PFN4: variants seen among roughly 807,000 people sequenced by gnomAD.
PFN4 encodes the protein profilin-4.
PFN4 carries 10 observed loss-of-function variants against 16.3 expected under a neutral mutation model. The observed-to-expected ratio is 0.61, with a 90% CI of 0.38 to 1.04. PFN4 has a LOEUF of 1.04. Among genes scored for constraint, PFN4 ranks in the 50% least tolerant of loss-of-function variants. The pLI, the probability that PFN4 is intolerant of heterozygous loss-of-function variation, is 0.01. For synonymous variants in PFN4, 54 were observed against 56.9 expected (o/e 0.95, Z 0.23); for missense variants, 136 against 153.6 (o/e 0.89, Z 0.61).
At chr2:24,115,794 T>C (rs1287034097) in intron 4 of PFN4, among the ~76,000 whole-genome samples, 183 bp from the exon 5 acceptor site, 1 of 151,712 alleles carries the variant, frequency 6.6e-6, no homozygotes, top group African/African-American at 2.4e-5. Flanking sequence ...CCTCATGGAG[T>C]TCACTGTCTA....
In PFN4 at chr2:24,122,426, C is replaced by G; in HGVS notation, c.110G>C (p.Gly37Ala). Residue 37 changes from glycine (G) to alanine (A), a missense_variant, in exon 2 of 5, where the codon GGT becomes GCT. Gly to Ala is a moderately conservative substitution (Grantham distance 60). Transcript: ENST00000313213. ...QERSLCVASPGFNVTPSDVRT... is the reference protein window; with the variant it reads ...QERSLCVASPAFNVTPSDVRT... ...AAACTTGTTTTTTCTTACATTGAAA[C>G]CTGGTGATGCTACACACAAGCTCCG... 6.2e-7 allele frequency: 1 copy of G among 1,609,806 alleles called. No individual in the cohort carries two copies. The highest frequency in any genetic ancestry group is 1.1e-5 in the South Asian group (1 of 90,848).
Position 24,121,295 on chromosome 2 carries a change from C to T in PFN4, c.123G>A (p.Thr41=), listed in dbSNP as rs1048780716. The change falls in exon 3 of 5, where the codon ACG becomes ACA. Residue 41 remains threonine (T), a synonymous_variant. Coordinates refer to ENST00000313213, the MANE Select transcript of PFN4 (RefSeq NM_199346.3). ...LCVASPGFNV[T]PSDVRTLVNG... Reference sequence around the variant, plus strand: ...TCACCAGTGTTCGGACATCACTGGGCGTTACCTGGAGAGGTTACATGGTTA... The same window carrying T: ...TCACCAGTGTTCGGACATCACTGGGTGTTACCTGGAGAGGTTACATGGTTA... 33 of 1,613,944 alleles carry T rather than the reference C, an allele frequency of 2.0e-5. No homozygotes were observed. Among genetic ancestry groups the T allele is most frequent in the African/African-American group, 1.5e-4 (11 of 74,906 alleles).
At chr2:24,120,220 G>A (rs1666060650) in intron 3 of PFN4, among the ~76,000 whole-genome samples, 1 of 151,776 alleles carries the variant, frequency 6.6e-6, no homozygotes, top group South Asian at 2.1e-4. Context: ...AGTGAGCCGA[G>A]ATCGTGCCAT....
At chr2:24,115,644 G>A in intron 4 of PFN4, 33 bp from the exon 5 acceptor site, 9 of 1,604,444 alleles carry the variant, frequency 5.6e-6, no homozygotes, top group South Asian at 5.5e-5. Flanking sequence ...TATTATTTAT[G>A]AGCTGCAAAT....
intron 2 of PFN4, 126 bp from the exon 3 acceptor site, chr2:24,121,426 G>T (rs1666115064): frequency 2.3e-6 from 2 of 871,274 alleles, no homozygotes; most frequent in Non-Finnish European, 3.4e-6. Flanking sequence ...TAAATGGTTG[G>T]GGAAAAAAAA....
chr2:24,119,517 C>T (rs1666028290), intron 4 of PFN4, 60 bp downstream of exon 4: 7 of 1,228,220 alleles, frequency 5.7e-6, no homozygotes, highest in Non-Finnish European at 8.2e-6. Context: ...CTCTGTTACT[C>T]GTAGTCGGAA....
rs764889045 is a variant in PFN4 at position 24,121,266 on chromosome 2, C to T, written c.152G>A (p.Gly51Glu). 1 of 1,614,162 alleles carries T rather than the reference C, an allele frequency of 6.2e-7. No individual in the cohort carries two copies. Among genetic ancestry groups the T allele is most frequent in the Admixed American group, 1.7e-5 (1 of 60,012 alleles). The change falls in exon 3 of 5, where the codon GGA becomes GAA. Residue 51 changes from glycine (G) to glutamate (E), a missense_variant. Gly to Glu is a moderately conservative substitution (Grantham distance 98). Transcript: ENST00000313213. ...TPSDVRTLVNGFAKNPLQARR... is the reference protein window; with the variant it reads ...TPSDVRTLVNEFAKNPLQARR... Reference sequence around the variant, plus strand: ...GGCTTGCAAAGGGTTCTTGGCAAATCCATTCACCAGTGTTCGGACATCACT... The same window carrying T: ...GGCTTGCAAAGGGTTCTTGGCAAATTCATTCACCAGTGTTCGGACATCACT...
At chr2:24,117,549 T>C (rs1450893661) in intron 4 of PFN4, among the ~76,000 whole-genome samples, 2 of 151,990 alleles carry the variant, frequency 1.3e-5, no homozygotes, top group Admixed American at 6.6e-5. Flanking sequence ...TTCAGGTGAT[T>C]CTCCTGCCTC....
Position 24,120,025 on chromosome 2 carries a change from T to C in PFN4, c.256-343A>G, listed in dbSNP as rs546134080. ...GGCTCCCGCCTGTAATCCCAGCACT[T>C]TGGGAGGCCAAGGCAGAAAGATCAC... On this transcript the variant is annotated intron_variant, in intron 3 of 4. Transcript: ENST00000313213. 9.9e-5 allele frequency among the ~76,000 whole-genome samples: 15 copies of C among 152,146 alleles called. 1 individual carries two copies. The East Asian group carries it at 2.9e-3, about 29-fold the overall frequency.
intron 3 of PFN4, among the ~76,000 whole-genome samples, chr2:24,120,006 C>T (rs1166495774): frequency 3.3e-5 from 5 of 152,120 alleles, no homozygotes; most frequent in African/African-American, 1.2e-4. Context: ...CAGTGGCTCC[C>T]GCCTGTAATC....
In PFN4 at chr2:24,115,568, T is replaced by C. The variant is rs750461058; in HGVS notation, c.*15A>G. ...TCTAAAATAATAAAATTGTCTTTCATGGGCCTCTGATGACTTAACTTCCTT... is the reference window on the plus strand; with the variant it reads ...TCTAAAATAATAAAATTGTCTTTCACGGGCCTCTGATGACTTAACTTCCTT... On this transcript the variant is annotated 3_prime_UTR_variant, in exon 5 of 5. Coordinates refer to ENST00000313213, the MANE Select transcript of PFN4 (RefSeq NM_199346.3). The C allele has an allele frequency of 9.3e-6, 15 of 1,608,100 alleles. No homozygotes were observed. In the South Asian group the frequency reaches 1.7e-4, roughly 18 times the overall value.
At chr2:24,118,851 G>A (rs1666009126) in intron 4 of PFN4, among the ~76,000 whole-genome samples, 1 of 152,202 alleles carries the variant, frequency 6.6e-6, no homozygotes. Flanking sequence ...GAATGAATGA[G>A]TGGCTGCTTT....
chr2:24,118,592 A>C lies in PFN4; in HGVS notation c.361+985T>G, dbSNP rs543252869. On this transcript the variant is annotated intron_variant, in intron 4 of 4. Transcript: ENST00000313213. ...CTGTAATGGGGATAATCATAAAGGT[A>C]TGCATAAAATACATACCACAATGGA... Among the ~76,000 whole-genome samples the C allele has an allele frequency of 4.4e-4, 67 of 152,354 alleles. 1 individual carries two copies. The highest frequency in any genetic ancestry group is 9.1e-4 in the Non-Finnish European group (62 of 68,028).
In PFN4 at chr2:24,114,879, G is replaced by A. The variant is rs1665864578; in HGVS notation, c.*704C>T. 6.6e-6 allele frequency among the ~76,000 whole-genome samples: 1 copy of A among 152,176 alleles called. No individual in the cohort carries two copies. The highest frequency in any genetic ancestry group is 2.1e-4 in the South Asian group (1 of 4,832). On this transcript the variant is annotated 3_prime_UTR_variant, in exon 5 of 5. Transcript: ENST00000313213. Reference sequence around the variant, plus strand: ...AGTGACCATACTGCCTTACTAAGGTGTGCAGTGAGAGTTAGGGTTAGAGTC... The same window carrying A: ...AGTGACCATACTGCCTTACTAAGGTATGCAGTGAGAGTTAGGGTTAGAGTC...
chr2:24,120,277 A>AAAC lies in PFN4; in HGVS notation c.256-598_256-596dup, dbSNP rs1553329186. ...AAAGTGAAACTCGTCTCAAAAAAAAAAACAACAACAAAACAAAACAAAACA... is the reference window on the plus strand; with the variant it reads ...AAAGTGAAACTCGTCTCAAAAAAAAAAACAACAACAACAAAACAAAACAAAACA... On this transcript the variant is annotated intron_variant, in intron 3 of 4. Coordinates refer to ENST00000313213, the MANE Select transcript of PFN4 (RefSeq NM_199346.3). 1.6e-3 allele frequency among the ~76,000 whole-genome samples: 238 copies of AAAC among 151,494 alleles called. 2 individuals carry two copies. The highest frequency in any genetic ancestry group is 5.6e-3 in the African/African-American group (229 of 41,198).
chr2:24,120,283 CAACAA>C (rs558516591), intron 3 of PFN4, among the ~76,000 whole-genome samples: 36 of 150,952 alleles, frequency 2.4e-4, no homozygotes, highest in South Asian at 1.3e-3. Flanking sequence ...AAAAAAACAA[CAACAA>C]AACAAAACAA....
intron 4 of PFN4, among the ~76,000 whole-genome samples, chr2:24,116,626 G>A (rs1256065501): frequency 1.3e-5 from 2 of 152,048 alleles, no homozygotes; most frequent in South Asian, 2.1e-4. Flanking sequence ...AGGCTGAGGC[G>A]GGCAGATCAC....
chr2:24,121,451 C>A (rs1026949694), intron 2 of PFN4, 151 bp from the exon 3 acceptor site: 2 of 663,924 alleles, frequency 3.0e-6, no homozygotes, highest in Non-Finnish European at 5.0e-6. Context: ...AAGAATAACA[C>A]TTCGTGACAC....
chr2:24,117,309 C>A (rs1022324652), intron 4 of PFN4, among the ~76,000 whole-genome samples: 1 of 151,930 alleles, frequency 6.6e-6, no homozygotes, highest in Non-Finnish European at 1.5e-5. Flanking sequence ...AGCCACTGCA[C>A]AAACCTGATT....
Sources: gnomAD v4.1 joint callset for allele counts (sites outside exome capture counted in the v4.1 genomes callset) on GRCh38, gnomAD v4.1.1 for gene constraint, MANE v1.5 for transcripts, NCBI Gene and HGNC (gene_info 2026-07-23, HGNC 2026-07-21) for gene names.